SMARCA2: variants seen among roughly 807,000 people sequenced by gnomAD.
SMARCA2 encodes the protein SWI/SNF related BAF chromatin remodeling complex subunit ATPase 2.
A neutral mutation model predicts 199.8 loss-of-function variants in SMARCA2; 61 were observed. The ratio of observed to expected loss-of-function variants is 0.31; its 90% confidence interval spans 0.25 to 0.38. SMARCA2 has a LOEUF of 0.38. Ranked by LOEUF, SMARCA2 falls within the 10% of genes least tolerant of loss-of-function variation. The probability of loss-of-function intolerance (pLI) is 1.00; values close to 1 mark genes in which losing one functional copy is unlikely to be tolerated. For missense variants in SMARCA2, 1,344 were observed against 2,012.2 expected, an observed-to-expected ratio of 0.67 and a Z score of 6.35; for synonymous variants, 935 against 732.0, an observed-to-expected ratio of 1.28 and a Z score of -4.48.
chr9:2,062,425 C>T (rs1820636995), intron 9 of SMARCA2, among the ~76,000 whole-genome samples: 1 of 151,982 alleles, frequency 6.6e-6, no homozygotes, highest in African/African-American at 2.4e-5. Context: ...AGCTAATGAC[C>T]CAGTTTTGAG....
intron 2 of SMARCA2, chr9:2,032,392 G>T (rs143626274): frequency 6.6e-6 from 1 of 152,300 alleles, no homozygotes; most frequent in Non-Finnish European, 1.5e-5. Context: ...TCCCTCTGTA[G>T]TACAGCTTTA....
intron 27 of SMARCA2, among the ~76,000 whole-genome samples, chr9:2,141,894 C>G (rs185332443): frequency 6.6e-6 from 1 of 152,110 alleles, no homozygotes; most frequent in South Asian, 2.1e-4. Flanking sequence ...GGTGCAGGAG[C>G]GCGTCAGATC....
chr9:2,158,918 G>A, intron 27 of SMARCA2: 1 of 1,610,096 alleles, frequency 6.2e-7, no homozygotes, highest in Non-Finnish European at 8.5e-7. Context: ...TTGGGGAGGA[G>A]GGAAGATGTT....
At chr9:2,037,831 C>G (rs1018293865) in intron 3 of SMARCA2, among the ~76,000 whole-genome samples, 1 of 152,194 alleles carries the variant, frequency 6.6e-6, no homozygotes. Flanking sequence ...TTTGTTTCAG[C>G]TCAAGGACAC....
At chr9:2,143,651 G>T (rs1824573156) in intron 27 of SMARCA2, among the ~76,000 whole-genome samples, 1 of 152,182 alleles carries the variant, frequency 6.6e-6, no homozygotes, top group Non-Finnish European at 1.5e-5. Context: ...GATGTGATAA[G>T]GGAAACTGAT....
intron 9 of SMARCA2, among the ~76,000 whole-genome samples, chr9:2,066,273 T>G (rs945455827): frequency 4.6e-5 from 7 of 152,238 alleles, no homozygotes; most frequent in African/African-American, 1.7e-4. Flanking sequence ...TGAGGCTGTT[T>G]ATAGCCTATG....
intron 29 of SMARCA2, among the ~76,000 whole-genome samples, chr9:2,171,016 C>A (rs958366843): frequency 1.3e-5 from 2 of 152,138 alleles, no homozygotes; most frequent in East Asian, 3.9e-4. Context: ...GACTCCTGGG[C>A]CTACCTGTTG....
chr9:2,036,158 A>G (rs10964508), intron 3 of SMARCA2, among the ~76,000 whole-genome samples: 35,856 of 151,864 alleles, frequency 0.24, 4,445 homozygotes, highest in East Asian at 0.36. Context: ...ACCCTTCAAA[A>G]GCAGGTATAT....
chr9:2,130,861 C>G (rs6475521), intron 27 of SMARCA2, among the ~76,000 whole-genome samples: 48,051 of 152,074 alleles, frequency 0.32, 12,377 homozygotes, highest in African/African-American at 0.7. Context: ...CAGTGGGCCA[C>G]GGTTTTCCGG....
intron 27 of SMARCA2, among the ~76,000 whole-genome samples, chr9:2,155,324 C>T (rs527877969): frequency 6.6e-6 from 1 of 151,864 alleles, no homozygotes; most frequent in Non-Finnish European, 1.5e-5. Context: ...GCTCTGTTGC[C>T]CAGGCTGGAG....
rs1451287255 is a variant in SMARCA2 at position 2,192,881 on chromosome 9, A to G, written c.*142A>G. ...TAAACTAGCTTTAGGATAGTGCCAG[A>G]CAAACATATGATATCATGGTGTAAA... On this transcript the variant is annotated 3_prime_UTR_variant, in exon 34 of 34. Coordinates refer to ENST00000349721, the MANE Select transcript of SMARCA2 (RefSeq NM_003070.5). The G allele has an allele frequency of 3.0e-6, 2 of 670,674 alleles. No homozygotes were observed. The highest frequency in any genetic ancestry group is 1.8e-5 in the African/African-American group (1 of 55,234). The allele number at this position is 670,674 out of a possible 1,614,324, so 41.5% of individuals were successfully genotyped here. A position where few individuals can be genotyped will look rare whatever the true frequency, so the allele number is the denominator to read the frequency against.
At chr9:2,164,304 A>G (rs1825835818) in intron 28 of SMARCA2, among the ~76,000 whole-genome samples, 1 of 151,940 alleles carries the variant, frequency 6.6e-6, no homozygotes, top group African/African-American at 2.4e-5. Context: ...CTTAAACCTC[A>G]GCTAAGCATT....
chr9:2,192,574 C>G (rs1230426561), intron 33 of SMARCA2, 130 bp from the exon 34 acceptor site: 4 of 746,592 alleles, frequency 5.4e-6, no homozygotes, highest in Non-Finnish European at 9.8e-6. Context: ...TGTCCTCCCA[C>G]GGAAAGAGAT....
intron 15 of SMARCA2, among the ~76,000 whole-genome samples, chr9:2,082,597 C>A (rs953331234): frequency 2.0e-5 from 3 of 152,142 alleles, no homozygotes; most frequent in African/African-American, 7.2e-5. Flanking sequence ...TGGGCACTAC[C>A]GAGTGAGGGC....
At chr9:2,112,450 G>C (rs1823045964) in intron 24 of SMARCA2, among the ~76,000 whole-genome samples, 1 of 151,430 alleles carries the variant, frequency 6.6e-6, no homozygotes, top group Non-Finnish European at 1.5e-5. Context: ...TGGGACATCT[G>C]TATGATGTTC....
intron 27 of SMARCA2, among the ~76,000 whole-genome samples, chr9:2,140,612 A>G (rs1824415437): frequency 6.6e-6 from 1 of 152,218 alleles, no homozygotes; most frequent in Non-Finnish European, 1.5e-5. Context: ...TCCCTGTCAT[A>G]AAAGCTAATG....
chr9:2,040,606 A>T (rs1819563058), intron 4 of SMARCA2: 1 of 152,278 alleles, frequency 6.6e-6, no homozygotes, highest in Admixed American at 6.5e-5. Flanking sequence ...GAGAGTATAG[A>T]GTTGATTTCC....
chr9:2,191,208 A>G, intron 32 of SMARCA2, 58 bp from the exon 33 acceptor site: 1 of 1,549,310 alleles, frequency 6.5e-7, no homozygotes, highest in Non-Finnish European at 8.9e-7. Context: ...CTTACCACCT[A>G]TACAAAGATC....
chr9:2,184,694 C>A (rs1586811835), intron 31 of SMARCA2, among the ~76,000 whole-genome samples: 1 of 151,980 alleles, frequency 6.6e-6, no homozygotes, highest in East Asian at 1.9e-4. Context: ...AATACAATTC[C>A]CAGATGCATC....
Sources: gnomAD v4.1 joint callset for allele counts (sites outside exome capture counted in the v4.1 genomes callset) on GRCh38, gnomAD v4.1.1 for gene constraint, MANE v1.5 for transcripts, NCBI Gene and HGNC (gene_info 2026-07-23, HGNC 2026-07-21) for gene names.